DOCK3: variants seen among roughly 807,000 people sequenced by gnomAD.
DOCK3 encodes dedicator of cytokinesis 3, also known as dedicator of cytokinesis protein 3.
DOCK3 carries 60 observed loss-of-function variants against 265.6 expected under a neutral mutation model. The observed-to-expected ratio is 0.23, with a 90% CI of 0.18 to 0.28. The LOEUF is 0.28. Among genes scored for constraint, DOCK3 ranks in the 10% least tolerant of loss-of-function variants. The pLI, the probability that DOCK3 is intolerant of heterozygous loss-of-function variation, is 1.00. For synonymous variants in DOCK3, 881 were observed against 938.0 expected, an observed-to-expected ratio of 0.94 and a Z score of 1.11; for missense variants, 1,981 against 2,594.3, an observed-to-expected ratio of 0.76 and a Z score of 5.14.
At chr3:51,329,087 A>C (rs2084346780) in intron 32 of DOCK3, among the ~76,000 whole-genome samples, 1 of 152,200 alleles carries the variant, frequency 6.6e-6, no homozygotes, top group Admixed American at 6.5e-5. Context: ...TGGAAGGTGG[A>C]GGTTGCAGTG....
chr3:51,263,677 T>C (rs906823957), intron 23 of DOCK3, among the ~76,000 whole-genome samples: 3 of 152,124 alleles, frequency 2.0e-5, no homozygotes, highest in Non-Finnish European at 4.4e-5. Flanking sequence ...AGGAGACCCA[T>C]CTCACATGCA....
intron 21 of DOCK3, among the ~76,000 whole-genome samples, chr3:51,240,936 G>C (rs2078585342): frequency 1.3e-5 from 2 of 152,154 alleles, no homozygotes; most frequent in African/African-American, 4.8e-5. Context: ...TATATTCAAA[G>C]TTAGTATTGA....
intron 14 of DOCK3, among the ~76,000 whole-genome samples, chr3:51,220,683 A>G (rs1348661260): frequency 1.3e-4 from 5 of 37,950 alleles, no homozygotes; most frequent in African/African-American, 3.6e-4. Flanking sequence ...ATATATATAT[A>G]TATATGTGTG....
At chr3:51,222,255 G>A (rs564126131) in intron 14 of DOCK3, among the ~76,000 whole-genome samples, 1 of 152,288 alleles carries the variant, frequency 6.6e-6, no homozygotes, top group South Asian at 2.1e-4. Context: ...GAGTTTACAG[G>A]AGGCTCTTGG....
intron 1 of DOCK3, among the ~76,000 whole-genome samples, chr3:50,764,356 T>TA (rs1368906874): frequency 6.6e-6 from 1 of 152,158 alleles, no homozygotes; most frequent in African/African-American, 2.4e-5. Context: ...AATACCATGA[T>TA]AAAAAATACA....
At chr3:50,952,128 C>A (rs2076606978) in intron 5 of DOCK3, among the ~76,000 whole-genome samples, 1 of 152,284 alleles carries the variant, frequency 6.6e-6, no homozygotes. Flanking sequence ...GCAAATTATA[C>A]CCAAGGACAT....
intron 9 of DOCK3, among the ~76,000 whole-genome samples, chr3:51,110,414 A>T (rs1226283236): frequency 6.6e-6 from 1 of 152,216 alleles, no homozygotes; most frequent in East Asian, 1.9e-4. Flanking sequence ...ATCCTTGATG[A>T]ACATTGATGC....
At chr3:50,899,459 G>T (rs920636995) in intron 4 of DOCK3, among the ~76,000 whole-genome samples, 1 of 152,068 alleles carries the variant, frequency 6.6e-6, no homozygotes, top group Non-Finnish European at 1.5e-5. Context: ...TTTAATTGGG[G>T]CATTTAGCCC....
chr3:50,943,718 A>C (rs1300142249), intron 5 of DOCK3, among the ~76,000 whole-genome samples: 1 of 152,174 alleles, frequency 6.6e-6, no homozygotes, highest in East Asian at 1.9e-4. Flanking sequence ...AGTGTATACA[A>C]GTGTTTAAGG....
chr3:51,055,699 TA>T (rs2081173583), intron 5 of DOCK3, among the ~76,000 whole-genome samples: 1 of 152,212 alleles, frequency 6.6e-6, no homozygotes, highest in Admixed American at 6.5e-5. Context: ...ACTTGGCATC[TA>T]TCCATCCGTG....
chr3:50,807,195 G>T (rs947963686), intron 2 of DOCK3, among the ~76,000 whole-genome samples: 5 of 150,768 alleles, frequency 3.3e-5, no homozygotes, highest in Admixed American at 3.3e-4. Flanking sequence ...GTTGGTTCTT[G>T]TGGAGGAGAC....
intron 12 of DOCK3, among the ~76,000 whole-genome samples, chr3:51,177,143 G>A (rs2087005159): frequency 6.6e-6 from 1 of 152,204 alleles, no homozygotes; most frequent in African/African-American, 2.4e-5. Flanking sequence ...GGTTAAGCAG[G>A]TGACTCAGCA....
At chr3:51,032,061 C>T (rs2080071974) in intron 5 of DOCK3, among the ~76,000 whole-genome samples, 1 of 151,934 alleles carries the variant, frequency 6.6e-6, no homozygotes, top group Admixed American at 6.6e-5. Context: ...TAAGACACCA[C>T]CTTCCACATA....
At chr3:50,678,373 T>C (rs1236446213) in intron 1 of DOCK3, among the ~76,000 whole-genome samples, 1 of 152,086 alleles carries the variant, frequency 6.6e-6, no homozygotes, top group Non-Finnish European at 1.5e-5. Flanking sequence ...ATCCAGCTAT[T>C]TTTGTGAAAC....
chr3:50,990,551 A>G (rs542810940), intron 5 of DOCK3, among the ~76,000 whole-genome samples: 2 of 152,314 alleles, frequency 1.3e-5, no homozygotes, highest in South Asian at 4.1e-4. Flanking sequence ...TTTTATATCT[A>G]GCTGTATTAG....
intron 5 of DOCK3, among the ~76,000 whole-genome samples, chr3:50,955,565 T>C (rs759402822): frequency 2.0e-5 from 3 of 152,188 alleles, no homozygotes; most frequent in Non-Finnish European, 4.4e-5. Context: ...TTATTATCCT[T>C]ATCAAACTGA....
At chr3:51,265,073 C>G (rs1043245269) in intron 23 of DOCK3, among the ~76,000 whole-genome samples, 3 of 152,050 alleles carry the variant, frequency 2.0e-5, no homozygotes, top group Non-Finnish European at 4.4e-5. Context: ...ACTATAAACA[C>G]CTCTGTGCAA....
At chr3:51,144,614 C>T (rs1200757943) in intron 9 of DOCK3, among the ~76,000 whole-genome samples, 1 of 152,178 alleles carries the variant, frequency 6.6e-6, no homozygotes, top group African/African-American at 2.4e-5. Context: ...TGCTTATTCC[C>T]ATTTGTTCCC....
Position 51,214,230 on chromosome 3 carries a change from C to T in DOCK3, c.1235C>T (p.Pro412Leu). 1 of 1,613,590 alleles carries T rather than the reference C, an allele frequency of 6.2e-7. No individual in the cohort carries two copies. Among genetic ancestry groups the T allele is most frequent in the Non-Finnish European group, 8.5e-7 (1 of 1,179,748 alleles). Reference sequence around the variant, plus strand: ...GCAATTACAAGAAAATTGGGATTTCCTGATGTCATTATGCCAGGTATGCAG... The same window carrying T: ...GCAATTACAAGAAAATTGGGATTTCTTGATGTCATTATGCCAGGTATGCAG... ...GLAITRKLGFPDVIMPGDIRN... is the reference protein window; with the variant it reads ...GLAITRKLGFLDVIMPGDIRN... The change falls in exon 14 of 53, where the codon CCT (proline) becomes CTT (leucine). Residue 412 changes from proline (P) to leucine (L), a missense_variant. Physicochemically the swap from Pro to Leu is moderately conservative, Grantham distance 98. Around this residue, in one of 4 missense-constraint regions of DOCK3, gnomAD observed 456 missense variants for 539.0 expected, o/e 0.85. Transcript: ENST00000266037.
Sources: allele counts gnomAD v4.1 joint callset (sites outside exome capture counted in the v4.1 genomes callset), GRCh38; gene constraint gnomAD v4.1.1; regional missense constraint gnomAD v4.1.1; transcripts MANE v1.5; gene names NCBI Gene and HGNC (gene_info 2026-07-23, HGNC 2026-07-21).